Variants in WWP1 observed in about 807,000 individuals in gnomAD.
WWP1 encodes NEDD4-like E3 ubiquitin-protein ligase WWP1.
WWP1 carries 49 observed loss-of-function variants against 130.6 expected under a neutral mutation model. The ratio of observed to expected loss-of-function variants is 0.38; its 90% CI spans 0.30 to 0.48. The LOEUF (loss-of-function observed/expected upper bound fraction) is 0.48, where lower values mean the gene tolerates loss of function less well. Ranked by LOEUF, WWP1 falls within the 20% of genes least tolerant of loss-of-function variation. WWP1 has a pLI of 0.99. For synonymous variants in WWP1, 332 were observed against 367.8 expected (o/e 0.90, Z 1.11); for missense variants, 809 against 1,100.6 (o/e 0.74, Z 3.75).
At position 86,374,093 on chromosome 8, in the gene WWP1, A is replaced by G. The variant is rs1824487311; in HGVS notation, c.43A>G (p.Ser15Gly). 2.5e-6 allele frequency: 4 copies of G among 1,609,986 alleles called. No individual in the cohort carries two copies. In the South Asian group the frequency reaches 3.3e-5, roughly 13 times the overall value. Reference sequence around the variant, plus strand: ...AAGGTCTGATACTAGTAATAACCACAGTGGAAGGTTGCAGTTACAGGTAAC... The same window carrying G: ...AAGGTCTGATACTAGTAATAACCACGGTGGAAGGTTGCAGTTACAGGTAAC... ...SPRSDTSNNH[S>G]GRLQLQVTVS... The change falls in exon 3 of 25, where the codon AGT becomes GGT. Residue 15 changes from serine (S) to glycine (G), a missense_variant. By Grantham distance (56) the Ser-to-Gly change is moderately conservative. Coordinates refer to ENST00000517970, the MANE Select transcript of WWP1 (RefSeq NM_007013.4).
In WWP1 at chr8:86,468,139, T is replaced by A. The variant is rs1361269095; in HGVS notation, c.*1246T>A. On this transcript the variant is annotated 3_prime_UTR_variant, in exon 25 of 25. Coordinates refer to ENST00000517970, the MANE Select transcript of WWP1 (RefSeq NM_007013.4). ...ATACAAAATTTTAAATTTCCATTTG[T>A]ATCATGCTTTTAATATGCACTGTAA... 1 of 188,234 alleles carries A rather than the reference T, an allele frequency of 5.3e-6. No homozygotes were observed. The highest frequency in any genetic ancestry group is 6.0e-5 in the Admixed American group (1 of 16,716). The allele number at this position is 188,234 out of a possible 1,614,324, so 11.7% of individuals were successfully genotyped here. A position where few individuals can be genotyped will look rare whatever the true frequency, so the allele number is the denominator to read the frequency against.
intron 3 of WWP1, among the ~76,000 whole-genome samples, chr8:86,375,497 G>A (rs1436590273): frequency 6.6e-6 from 1 of 152,026 alleles, no homozygotes; most frequent in East Asian, 1.9e-4. Context: ...GCAGATACAT[G>A]TGCAGTATAC....
intron 5 of WWP1, 99 bp downstream of exon 5, chr8:86,381,728 T>A: frequency 8.2e-7 from 1 of 1,220,188 alleles, no homozygotes; most frequent in South Asian, 2.0e-5. Flanking sequence ...TTTGTATCCA[T>A]AAAGAACTTC....
At chr8:86,457,810 T>C (rs1318274240) in intron 21 of WWP1, 111 bp from the exon 22 acceptor site, 1 of 907,584 alleles carries the variant, frequency 1.1e-6, no homozygotes, top group East Asian at 2.6e-5. Context: ...GCCATGCATA[T>C]AGCTTTTCAC....
Position 86,435,703 on chromosome 8 carries a change from A to G in WWP1, c.1748A>G (p.Gln583Arg). The G allele has an allele frequency of 6.2e-7, 1 of 1,611,666 alleles. No individual in the cohort carries two copies. Among genetic ancestry groups the G allele is most frequent in the Non-Finnish European group, 8.5e-7 (1 of 1,179,494 alleles). ...RQTLFEDSFQ[Q>R]IMALKPYDLR... is the part of the protein sequence containing the mutation. ...ACATTGTTTGAAGATTCCTTCCAAC[A>G]GGTAAGGAGGATTTTAGCAGAATAA... Residue 583 changes from glutamine (Q) to arginine (R), a missense_variant and splice_region_variant, in exon 16 of 25, where the codon CAG becomes CGG. By Grantham distance (43) the Gln-to-Arg change is conservative. Transcript: ENST00000517970.
In WWP1 at chr8:86,431,709, ACATT is replaced by A. The variant is rs754625024; in HGVS notation, c.1570_1573del (p.Phe524LysfsTer10). On this transcript the variant is annotated frameshift_variant, in exon 14 of 25. Coordinates refer to ENST00000517970, the MANE Select transcript of WWP1 (RefSeq NM_007013.4). LOFTEE classifies it high-confidence loss of function. ...TGTTGATCATAACACAAGAACAACA[ACATT>A]CAAAGATCCTCGCAATGGGAAGTCA... 6.2e-7 allele frequency: 1 copy of A among 1,614,010 alleles called. No homozygotes were observed. The highest frequency in any genetic ancestry group is 8.5e-7 in the Non-Finnish European group (1 of 1,179,946).
intron 5 of WWP1, among the ~76,000 whole-genome samples, chr8:86,391,820 C>G (rs1807355060): frequency 6.6e-6 from 1 of 152,016 alleles, no homozygotes; most frequent in South Asian, 2.1e-4. Context: ...TTCTGTCCTC[C>G]CACAGAGACA....
intron 1 of WWP1, 24 bp downstream of exon 1, chr8:86,342,954 T>C: frequency 1.4e-5 from 1 of 73,702 alleles, no homozygotes. Flanking sequence ...GGCGCGGGGC[T>C]GGGGGTGCGA....
At chr8:86,390,613 A>G (rs975988110) in intron 5 of WWP1, among the ~76,000 whole-genome samples, 2 of 151,624 alleles carry the variant, frequency 1.3e-5, no homozygotes, top group South Asian at 2.1e-4. Flanking sequence ...AGAATCAGGC[A>G]GGGAGGTTGC....
chr8:86,342,803 G>GT lies in WWP1; in HGVS notation c.-241dup. The GT allele has an allele frequency of 2.7e-6, 1 of 369,846 alleles. No homozygotes were observed. The allele number at this position is 369,846 out of a possible 1,614,324, so 22.9% of individuals were successfully genotyped here. On this transcript the variant is annotated 5_prime_UTR_variant, in exon 1 of 25. Transcript: ENST00000517970. ...CTGGGCTGCCGGGGCCGACGCCTGGGTGGCTGCTGCCGCCGCGCCTGCTGC... is the reference window on the plus strand; with the variant it reads ...CTGGGCTGCCGGGGCCGACGCCTGGGTTGGCTGCTGCCGCCGCGCCTGCTGC...
intron 9 of WWP1, among the ~76,000 whole-genome samples, chr8:86,423,277 G>A (rs866085402): frequency 3.9e-5 from 6 of 151,926 alleles, no homozygotes; most frequent in Middle Eastern, 3.4e-3. Flanking sequence ...CCCAGAGGGG[G>A]ATTTGGCAGG....
chr8:86,401,514 A>C (rs1238173997), intron 7 of WWP1, among the ~76,000 whole-genome samples: 1 of 150,938 alleles, frequency 6.6e-6, no homozygotes, highest in Admixed American at 6.6e-5. Flanking sequence ...GAGCCACTGC[A>C]CTCCAGCCTT....
chr8:86,434,450 A>G (rs925219750), intron 14 of WWP1, among the ~76,000 whole-genome samples: 12 of 152,130 alleles, frequency 7.9e-5, no homozygotes, highest in African/African-American at 2.6e-4. Flanking sequence ...GAAACTCCAT[A>G]TGGCTTTTGC....
chr8:86,427,065 A>C (rs1766668323), intron 10 of WWP1, among the ~76,000 whole-genome samples: 1 of 151,996 alleles, frequency 6.6e-6, no homozygotes, highest in Non-Finnish European at 1.5e-5. Context: ...CAGGAGGCTG[A>C]GGCAGGAAAA....
intron 14 of WWP1, among the ~76,000 whole-genome samples, chr8:86,432,041 G>T (rs1327717265): frequency 7.9e-5 from 12 of 152,056 alleles, no homozygotes; most frequent in Admixed American, 7.9e-4. Context: ...CCTTTACCAA[G>T]TGAGGAGAGG....
At chr8:86,395,636 T>A (rs1807621486) in intron 5 of WWP1, among the ~76,000 whole-genome samples, 1 of 152,186 alleles carries the variant, frequency 6.6e-6, no homozygotes, top group South Asian at 2.1e-4. Flanking sequence ...AATGTTTTTG[T>A]TTTTTAGTCT....
chr8:86,445,357 C>T (rs6471345), intron 18 of WWP1, among the ~76,000 whole-genome samples: 1 of 151,836 alleles, frequency 6.6e-6, no homozygotes, highest in Non-Finnish European at 1.5e-5. Context: ...TCCCTCCCAT[C>T]GTAGTCCCCA....
At chr8:86,437,988 G>A (rs1410848187) in intron 16 of WWP1, among the ~76,000 whole-genome samples, 1 of 152,070 alleles carries the variant, frequency 6.6e-6, no homozygotes, top group Non-Finnish European at 1.5e-5. Flanking sequence ...TTTTAGTAGA[G>A]ACGGGGTTTC....
At chr8:86,418,951 TAACAA>T (rs1809041383) in intron 9 of WWP1, among the ~76,000 whole-genome samples, 1 of 152,168 alleles carries the variant, frequency 6.6e-6, no homozygotes, top group African/African-American at 2.4e-5. Flanking sequence ...GATTGTTCTC[TAACAA>T]AACAGTCCCA....
Sources: gnomAD v4.1 joint callset for allele counts (sites outside exome capture counted in the v4.1 genomes callset) on GRCh38, gnomAD v4.1.1 for gene constraint, MANE v1.5 for transcripts, NCBI Gene and HGNC (gene_info 2026-07-23, HGNC 2026-07-21) for gene names.